CARNMT1: variants seen among roughly 807,000 people sequenced by gnomAD.
CARNMT1 encodes the protein protein-L-histidine N-pros-methyltransferase CARNMT1.
CARNMT1 carries 28 observed loss-of-function variants against 49.6 expected under a neutral mutation model. That is an observed-to-expected ratio of 0.56 (90% confidence interval 0.42 to 0.77). The LOEUF is 0.77. Ranked by LOEUF, CARNMT1 falls within the 30% of genes least tolerant of loss-of-function variation. CARNMT1 has a pLI of 0.00. For synonymous variants in CARNMT1, 178 were observed against 175.0 expected, an observed-to-expected ratio of 1.02 and a Z score of -0.13; for missense variants, 421 against 512.6, an observed-to-expected ratio of 0.82 and a Z score of 1.73.
At chr9:75,027,165 T>A in intron 1 of CARNMT1, 1 of 1,278,930 alleles carries the variant, frequency 7.8e-7, no homozygotes, top group Non-Finnish European at 1.0e-6. Context: ...AAAATCCAGT[T>A]GATTTAAGTC....
chr9:75,019,470 C>T (rs1833939035), intron 1 of CARNMT1, among the ~76,000 whole-genome samples: 1 of 152,160 alleles, frequency 6.6e-6, no homozygotes, highest in Admixed American at 6.5e-5. Flanking sequence ...CCTTTCTAGG[C>T]CTTTCCTGGA....
At chr9:74,985,163 G>T (rs1832795734) in intron 6 of CARNMT1, among the ~76,000 whole-genome samples, 153 bp from the exon 7 acceptor site, 1 of 152,158 alleles carries the variant, frequency 6.6e-6, no homozygotes, top group African/African-American at 2.4e-5. Context: ...CTGAAAATTT[G>T]GCCTAGTATC....
intron 3 of CARNMT1, chr9:75,015,622 C>T (rs1034129874): frequency 6.6e-6 from 1 of 151,622 alleles, no homozygotes; most frequent in East Asian, 1.9e-4. Context: ...CATGTCTCTA[C>T]CAAAAACACA....
intron 3 of CARNMT1, chr9:75,015,785 A>G (rs1189529258): frequency 6.7e-6 from 1 of 148,942 alleles, no homozygotes; most frequent in African/African-American, 2.5e-5. Flanking sequence ...GACTGTCTCA[A>G]AAAAATAAAT....
chr9:75,016,680 G>T, intron 2 of CARNMT1: 1 of 425,530 alleles, frequency 2.4e-6, no homozygotes, highest in Non-Finnish European at 4.2e-6. Context: ...CTTTACTCAG[G>T]AGAGGACCAA....
chr9:75,005,640 T>G (rs1833484843), intron 3 of CARNMT1, among the ~76,000 whole-genome samples: 1 of 151,690 alleles, frequency 6.6e-6, no homozygotes, highest in African/African-American at 2.4e-5. Context: ...GCCCGGCTAA[T>G]TTTTTTGTAT....
At chr9:74,988,521 TG>T (rs940575920) in intron 6 of CARNMT1, among the ~76,000 whole-genome samples, 2 of 152,168 alleles carry the variant, frequency 1.3e-5, no homozygotes, top group Admixed American at 6.5e-5. Flanking sequence ...ACTCCATTAC[TG>T]TTAGAAATAT....
At chr9:75,012,210 TA>T (rs1833709136) in intron 3 of CARNMT1, among the ~76,000 whole-genome samples, 1 of 152,136 alleles carries the variant, frequency 6.6e-6, no homozygotes, top group African/African-American at 2.4e-5. Flanking sequence ...ATATCACTTA[TA>T]TCTGAGCTCT....
chr9:75,022,911 G>C (rs1822415984), intron 1 of CARNMT1, among the ~76,000 whole-genome samples: 1 of 152,046 alleles, frequency 6.6e-6, no homozygotes, highest in African/African-American at 2.4e-5. Flanking sequence ...GAGGTGGGCA[G>C]ATCACTTCAG....
intron 1 of CARNMT1, among the ~76,000 whole-genome samples, chr9:75,020,185 GTA>G (rs1210974786): frequency 6.0e-5 from 9 of 150,928 alleles, no homozygotes; most frequent in African/African-American, 2.2e-4. Flanking sequence ...ATATGTATGT[GTA>G]TATGTTTAAA....
At chr9:75,002,430 C>A (rs2118804317) in intron 3 of CARNMT1, among the ~76,000 whole-genome samples, 2 of 152,292 alleles carry the variant, frequency 1.3e-5, no homozygotes, top group Non-Finnish European at 2.9e-5. Flanking sequence ...AAGCCACTAA[C>A]TACATGTGGC....
chr9:74,999,949 A>G, intron 3 of CARNMT1, 79 bp from the exon 4 acceptor site: 1 of 1,359,814 alleles, frequency 7.4e-7, no homozygotes, highest in Non-Finnish European at 1.0e-6. Flanking sequence ...ACAACTAAAA[A>G]CTTACTCATT....
chr9:75,013,088 T>C (rs1389585127), intron 3 of CARNMT1, among the ~76,000 whole-genome samples: 1 of 152,152 alleles, frequency 6.6e-6, no homozygotes, highest in Non-Finnish European at 1.5e-5. Flanking sequence ...GTCTTTGATA[T>C]TAGCTCCAAT....
At position 74,981,430 on chromosome 9, in the gene CARNMT1, A is replaced by T. The variant is rs1004094758; in HGVS notation, c.*2337T>A. 3 of 152,190 alleles carry T rather than the reference A, an allele frequency of 2.0e-5. No homozygotes were observed. The highest frequency in any genetic ancestry group is 4.4e-5 in the Non-Finnish European group (3 of 68,002). 9.4% of individuals were successfully genotyped at this position (152,190 alleles called of 1,614,324 possible). On this transcript the variant is annotated 3_prime_UTR_variant, in exon 8 of 8. Coordinates refer to ENST00000376834, the MANE Select transcript of CARNMT1 (RefSeq NM_152420.3). ...TACATACTTTAGTAGCTAGGACTAA[A>T]ATTAAGAAATACAAAGCTAAATAAA...
At chr9:75,000,633 A>G (rs1438768470) in intron 3 of CARNMT1, among the ~76,000 whole-genome samples, 1 of 152,190 alleles carries the variant, frequency 6.6e-6, no homozygotes, top group Middle Eastern at 3.2e-3. Context: ...CGAGGAAACT[A>G]AAATTGTAGT....
At chr9:74,992,564 T>C (rs991657554) in intron 6 of CARNMT1, among the ~76,000 whole-genome samples, 3 of 152,222 alleles carry the variant, frequency 2.0e-5, no homozygotes, top group South Asian at 2.1e-4. Flanking sequence ...GATGAAAAAC[T>C]GAAAAAGGGA....
intron 1 of CARNMT1, among the ~76,000 whole-genome samples, chr9:75,020,557 C>T (rs1446354574): frequency 6.6e-6 from 1 of 152,252 alleles, no homozygotes; most frequent in East Asian, 1.9e-4. Flanking sequence ...TGAGCCACCG[C>T]ACCCAGCCTT....
chr9:74,986,091 A>G (rs1832828064), intron 6 of CARNMT1, among the ~76,000 whole-genome samples: 1 of 152,180 alleles, frequency 6.6e-6, no homozygotes, highest in Non-Finnish European at 1.5e-5. Context: ...TCCAGGAACC[A>G]TTATCACTTA....
intron 1 of CARNMT1, chr9:75,026,954 G>T: frequency 3.3e-6 from 2 of 604,608 alleles, no homozygotes; most frequent in Non-Finnish European, 5.4e-6. Context: ...TCACAGCAAA[G>T]CAAGAGATTT....
Sources: allele counts gnomAD v4.1 joint callset (sites outside exome capture counted in the v4.1 genomes callset), GRCh38; gene constraint gnomAD v4.1.1; transcripts MANE v1.5; gene names NCBI Gene and HGNC (gene_info 2026-07-23, HGNC 2026-07-21).